Variants in ADAMTSL1 observed in about 807,000 individuals in gnomAD.
ADAMTSL1 encodes ADAMTS like 1, also known as ADAMTS-like protein 1.
Under a neutral mutation model 201.8 loss-of-function variants are expected in ADAMTSL1, and 126 were observed. The observed-to-expected ratio is 0.62, with a 90% CI of 0.54 to 0.72. The LOEUF is 0.72. Among genes scored for constraint, ADAMTSL1 ranks in the 30% least tolerant of loss-of-function variants. The probability of loss-of-function intolerance (pLI) is 0.00; values close to 1 mark genes in which losing one functional copy is unlikely to be tolerated. For synonymous variants in ADAMTSL1, 1,121 were observed against 903.4 expected (o/e 1.24, Z -4.32); for missense variants, 2,679 against 2,277.8 (o/e 1.18, Z -3.59).
At chr9:18,109,782 T>A (rs1824923460) in intron 1 of ADAMTSL1, among the ~76,000 whole-genome samples, 1 of 152,162 alleles carries the variant, frequency 6.6e-6, no homozygotes, top group African/African-American at 2.4e-5. Context: ...CACCAGGTCT[T>A]GCAATTGCAC....
intron 2 of ADAMTSL1, among the ~76,000 whole-genome samples, chr9:18,398,989 T>A (rs1313874942): frequency 1.3e-5 from 2 of 151,864 alleles, no homozygotes; most frequent in African/African-American, 2.4e-5. Context: ...GATAGTATGT[T>A]GAAGTGTAAG....
intron 2 of ADAMTSL1, among the ~76,000 whole-genome samples, chr9:18,235,777 A>G (rs575414823): frequency 1.3e-5 from 2 of 152,178 alleles, no homozygotes; most frequent in Admixed American, 1.3e-4. Context: ...CATTGATCTT[A>G]GCAGAGCTCA....
chr9:18,566,269 T>A (rs758400645), intron 3 of ADAMTSL1, among the ~76,000 whole-genome samples: 1 of 152,362 alleles, frequency 6.6e-6, no homozygotes, highest in South Asian at 2.1e-4. Flanking sequence ...GTCTGTTTCC[T>A]TTATTCAATG....
chr9:18,257,447 A>G (rs1831732774), intron 2 of ADAMTSL1, among the ~76,000 whole-genome samples: 2 of 152,258 alleles, frequency 1.3e-5, no homozygotes, highest in Non-Finnish European at 2.9e-5. Context: ...AGGAAAATGT[A>G]CAATAACACA....
chr9:18,541,383 A>G (rs955915902), intron 3 of ADAMTSL1, among the ~76,000 whole-genome samples: 2 of 151,948 alleles, frequency 1.3e-5, no homozygotes, highest in African/African-American at 4.8e-5. Context: ...TGTGGTGGGC[A>G]CCTGTAATCC....
chr9:18,438,969 G>T (rs1819875403), intron 2 of ADAMTSL1, among the ~76,000 whole-genome samples: 1 of 150,404 alleles, frequency 6.6e-6, no homozygotes, highest in Non-Finnish European at 1.5e-5. Context: ...CTCCCCTGCT[G>T]CCAGTGATGG....
At chr9:18,288,390 A>T (rs948421213) in intron 2 of ADAMTSL1, among the ~76,000 whole-genome samples, 3 of 151,864 alleles carry the variant, frequency 2.0e-5, no homozygotes, top group Non-Finnish European at 4.4e-5. Context: ...GGTATTTGTT[A>T]TTTTTTTTGT....
In ADAMTSL1 at chr9:18,622,236, T is replaced by C. The variant is rs752213557; in HGVS notation, c.475-7T>C. 9.9e-6 allele frequency: 16 copies of C among 1,613,388 alleles called. No individual in the cohort carries two copies. Among genetic ancestry groups the C allele is most frequent in the Non-Finnish European group, 1.4e-5 (16 of 1,179,696 alleles). ...TGGTTGAATTACACATCTCTCTTTC[T>C]TGTTAGATTGTTGGCTGCGATCACC... On this transcript the variant is annotated splice_region_variant and splice_polypyrimidine_tract_variant and intron_variant, in intron 4 of 28. Transcript: ENST00000380548.
In ADAMTSL1 at chr9:18,441,481, A is replaced by G. The variant is rs182402563; in HGVS notation, c.208-63348A>G. 5.8e-3 allele frequency among the ~76,000 whole-genome samples: 879 copies of G among 152,312 alleles called. 10 individuals are homozygous for G. The highest frequency in any genetic ancestry group is 0.02 in the African/African-American group (836 of 41,564). On this transcript the variant is annotated intron_variant, in intron 2 of 29. Transcript: ENST00000680146. ...TCTCACTTCTAATCAGTTTTAAAATAAGACAGGATTTCAGATCCAGTGCTT... is the reference window on the plus strand; with the variant it reads ...TCTCACTTCTAATCAGTTTTAAAATGAGACAGGATTTCAGATCCAGTGCTT...
chr9:18,164,029 A>G (rs555163718), intron 2 of ADAMTSL1: 1 of 152,104 alleles, frequency 6.6e-6, no homozygotes, highest in African/African-American at 2.4e-5. Context: ...CTGAGGTTCA[A>G]TGGCTGATTC....
At chr9:18,882,866 C>T (rs753604288) in intron 23 of ADAMTSL1, among the ~76,000 whole-genome samples, 1 of 151,978 alleles carries the variant, frequency 6.6e-6, no homozygotes, top group Non-Finnish European at 1.5e-5. Context: ...GTGGCACATG[C>T]CTGTAATCCT....
rs190733824 is a variant in ADAMTSL1, at chr9:18,416,903, C to T, written c.208-87926C>T. Among the ~76,000 whole-genome samples the T allele has an allele frequency of 4.9e-3, 747 of 152,118 alleles. 4 individuals are homozygous for T. The highest frequency in any genetic ancestry group is 6.8e-3 in the Middle Eastern group (2 of 294). Reference sequence around the variant, plus strand: ...CAAGGTATAGAAGACTTGAACAACACAATCAGCTAATTGACATTTATAGGA... The same window carrying T: ...CAAGGTATAGAAGACTTGAACAACATAATCAGCTAATTGACATTTATAGGA... On this transcript the variant is annotated intron_variant, in intron 2 of 29. Transcript: ENST00000680146.
At chr9:18,193,370 A>C (rs1829047802) in intron 2 of ADAMTSL1, among the ~76,000 whole-genome samples, 1 of 152,102 alleles carries the variant, frequency 6.6e-6, no homozygotes, top group South Asian at 2.1e-4. Context: ...AACATGGAAT[A>C]TGCAGGGGAA....
intron 2 of ADAMTSL1, among the ~76,000 whole-genome samples, chr9:18,432,528 A>C: frequency 6.6e-6 from 1 of 152,216 alleles, no homozygotes; most frequent in Admixed American, 6.5e-5. Context: ...TATGTAGCTT[A>C]CATTATTCTA....
At chr9:18,122,336 G>A (rs79392264) in intron 1 of ADAMTSL1, among the ~76,000 whole-genome samples, 1 of 152,126 alleles carries the variant, frequency 6.6e-6, no homozygotes, top group Non-Finnish European at 1.5e-5. Flanking sequence ...AGCAGCAACA[G>A]GAAACACAGA....
At position 18,524,800 on chromosome 9, in the gene ADAMTSL1, C is replaced by T. The variant is rs1014186563; in HGVS notation, c.192-8447C>T. Among the ~76,000 whole-genome samples the T allele has an allele frequency of 1.1e-4, 16 of 152,310 alleles. 1 individual carries two copies. The highest frequency in any genetic ancestry group is 9.2e-4 in the Admixed American group (14 of 15,290). Reference sequence around the variant, plus strand: ...ATCCCAGGGATGAAGCCCACTTGATCATGGTGGACAAGCTTTTTGATGTGC... The same window carrying T: ...ATCCCAGGGATGAAGCCCACTTGATTATGGTGGACAAGCTTTTTGATGTGC... On this transcript the variant is annotated intron_variant, in intron 2 of 28. Transcript: ENST00000380548.
At chr9:18,579,501 AAT>A (rs972050452) in intron 4 of ADAMTSL1, among the ~76,000 whole-genome samples, 12 of 152,036 alleles carry the variant, frequency 7.9e-5, no homozygotes, top group Non-Finnish European at 1.3e-4. Flanking sequence ...ATAATTAAAA[AAT>A]AAATAAATAA....
intron 1 of ADAMTSL1, among the ~76,000 whole-genome samples, chr9:17,916,565 A>G (rs1252067175): frequency 6.6e-6 from 1 of 152,120 alleles, no homozygotes; most frequent in Non-Finnish European, 1.5e-5. Flanking sequence ...ACTTTTTGCA[A>G]AGACCATCCT....
At chr9:18,615,006 A>T (rs1825609920) in intron 4 of ADAMTSL1, among the ~76,000 whole-genome samples, 1 of 152,206 alleles carries the variant, frequency 6.6e-6, no homozygotes, top group African/African-American at 2.4e-5. Flanking sequence ...TTTGCAATTA[A>T]AAAATAAATA....
Sources: allele counts gnomAD v4.1 joint callset (sites outside exome capture counted in the v4.1 genomes callset), GRCh38; gene constraint gnomAD v4.1.1; transcripts MANE v1.5; gene names NCBI Gene and HGNC (gene_info 2026-07-23, HGNC 2026-07-21).